The following USP20 variants were observed in gnomAD, a reference collection of about 807,000 sequenced individuals.
The protein encoded by USP20 is ubiquitin carboxyl-terminal hydrolase 20.
In USP20, 80 loss-of-function variants were observed where a neutral mutation model predicts 124.2. That is an observed-to-expected ratio of 0.64 (90% CI 0.54 to 0.78). USP20 has a LOEUF of 0.78. Among genes scored for constraint, USP20 ranks in the 30% least tolerant of loss-of-function variants. The pLI is 0.00. For synonymous variants in USP20, 481 were observed against 512.3 expected, an observed-to-expected ratio of 0.94 and a Z score of 0.83; for missense variants, 1,043 against 1,244.4, an observed-to-expected ratio of 0.84 and a Z score of 2.44.
In USP20 at chr9:129,874,027, C is replaced by T. The variant is rs148352699; in HGVS notation, c.1740+283C>T. Among the ~76,000 whole-genome samples the T allele has an allele frequency of 5.0e-3, 762 of 152,292 alleles. 3 individuals are homozygous for T. Among genetic ancestry groups the T allele is most frequent in the African/African-American group, 0.017 (723 of 41,548 alleles). ...GGTGTGTGGGACACTGGGTTACCAC[C>T]CCCAGTGAGACAGCTATGGCTCCTG... On this transcript the variant is annotated intron_variant, in intron 17 of 25. Coordinates refer to ENST00000372429, the MANE Select transcript of USP20 (RefSeq NM_001110303.4).
Position 129,839,551 on chromosome 9 carries a change from G to A in USP20, c.-129+4052G>A, listed in dbSNP as rs2032071857. Among the ~76,000 whole-genome samples the A allele has an allele frequency of 6.6e-6, 1 of 151,970 alleles. No individual in the cohort carries two copies. Among genetic ancestry groups the A allele is most frequent in the Admixed American group, 6.6e-5 (1 of 15,252 alleles). On this transcript the variant is annotated intron_variant, in intron 1 of 25. Coordinates refer to ENST00000372429, the MANE Select transcript of USP20 (RefSeq NM_001110303.4). This position sits in a 1 kb window ranked among gnomAD's most constrained non-coding sequence, Gnocchi z 4.5. Reference sequence around the variant, plus strand: ...TGCTGTTGTGTGGAGGTAGAGTAAAGACAGCAGGAGGGAGAGAAAGGGTGT... The same window carrying A: ...TGCTGTTGTGTGGAGGTAGAGTAAAAACAGCAGGAGGGAGAGAAAGGGTGT...
intron 19 of USP20, 80 bp downstream of exon 19, chr9:129,875,035 G>T: frequency 6.4e-7 from 1 of 1,552,092 alleles, no homozygotes. Context: ...GGTGTGTGTA[G>T]GGGACAGCGC....
chr9:129,847,252 C>G (rs886833693), intron 1 of USP20, among the ~76,000 whole-genome samples: 15 of 151,682 alleles, frequency 9.9e-5, no homozygotes, highest in African/African-American at 3.6e-4. Flanking sequence ...TTCCCACCAA[C>G]AGTGCACAGG....
At position 129,879,397 on chromosome 9, in the gene USP20, C is replaced by T. The variant is rs2034545291; in HGVS notation, c.2513-176C>T. 5 of 621,890 alleles carry T rather than the reference C, an allele frequency of 8.0e-6. No individual in the cohort carries two copies. Among genetic ancestry groups the T allele is most frequent in the Non-Finnish European group, 1.1e-5 (4 of 351,066 alleles). The allele number at this position is 621,890 out of a possible 1,614,324, so 38.5% of individuals were successfully genotyped here. The stretch of plus-strand genomic sequence containing the variant: ...CCATCTCGTGTGTCCTGGAAATTCC[C>T]TCTGCTGGGTCCTCAGACTGCCACA... On this transcript the variant is annotated intron_variant, in intron 23 of 25. Transcript: ENST00000372429. This position sits in a 1 kb window ranked among gnomAD's most constrained non-coding sequence, Gnocchi z 4.2.
intron 8 of USP20, among the ~76,000 whole-genome samples, chr9:129,862,899 C>G (rs1400051420): frequency 2.7e-5 from 3 of 109,120 alleles, no homozygotes; most frequent in African/African-American, 9.6e-5. Flanking sequence ...GAGGGAGACT[C>G]TGTTTCAAAA....
Position 129,880,297 on chromosome 9 carries a change from G to C in USP20, c.*16+8G>C. ...GATCTGCTGGGCTAGTCTGTAAGTC[G>C]CCCCGGCTGGTCCCTCCATGGCACT... On this transcript the variant is annotated splice_region_variant and intron_variant, in intron 25 of 25. Transcript: ENST00000372429. 6.4e-7 allele frequency: 1 copy of C among 1,557,960 alleles called. No individual in the cohort carries two copies. The highest frequency in any genetic ancestry group is 8.7e-7 in the Non-Finnish European group (1 of 1,155,300).
At position 129,879,991 on chromosome 9, in the gene USP20, T is replaced by C. The variant is rs529876796; in HGVS notation, c.2585-122T>C. 4.2e-4 allele frequency: 504 copies of C among 1,213,214 alleles called. 5 individuals are homozygous for C. The South Asian group carries it at 7.0e-3, about 17-fold the overall frequency. The allele number at this position is 1,213,214 out of a possible 1,614,324, so 75.2% of individuals were successfully genotyped here. ...CTGATTTCCATCTGACAGCTTTGCA[T>C]AGAAGCCCTGGTTGCCGTCTTCCCG... On this transcript the variant is annotated intron_variant, in intron 24 of 25. Coordinates refer to ENST00000372429, the MANE Select transcript of USP20 (RefSeq NM_001110303.4). This position sits in a 1 kb window ranked among gnomAD's most constrained non-coding sequence, Gnocchi z 4.2.
chr9:129,876,785 A>G (rs2034429581), intron 22 of USP20, among the ~76,000 whole-genome samples: 2 of 152,162 alleles, frequency 1.3e-5, no homozygotes, highest in Admixed American at 6.5e-5. Context: ...TTAAAGAACC[A>G]GTAGATGGAT....
intron 10 of USP20, among the ~76,000 whole-genome samples, chr9:129,867,774 T>C (rs979599178): frequency 6.6e-6 from 1 of 152,234 alleles, no homozygotes; most frequent in African/African-American, 2.4e-5. Flanking sequence ...TTTCTAGCTG[T>C]GTGTCCTGGT....
chr9:129,856,227 C>T (rs2033207526), intron 3 of USP20, 80 bp from the exon 4 acceptor site: 4 of 1,441,688 alleles, frequency 2.8e-6, no homozygotes, highest in Non-Finnish European at 2.9e-6. Context: ...TGGGGCCCTC[C>T]AGGCAGGAGC....
chr9:129,874,999 G>A (rs376902691), intron 19 of USP20, 44 bp downstream of exon 19: 239 of 1,602,806 alleles, frequency 1.5e-4, no homozygotes, highest in African/African-American at 5.7e-4. Flanking sequence ...CACCATCCCC[G>A]TCCCCTGGGA....
intron 21 of USP20, among the ~76,000 whole-genome samples, chr9:129,875,922 GCT>G (rs1196870934): frequency 6.6e-6 from 1 of 152,296 alleles, no homozygotes; most frequent in Non-Finnish European, 1.5e-5. Context: ...TTGGCCATCT[GCT>G]CTTCAGCCTT....
intron 1 of USP20, among the ~76,000 whole-genome samples, chr9:129,841,046 C>T (rs566898621): frequency 6.6e-6 from 1 of 152,330 alleles, no homozygotes; most frequent in East Asian, 1.9e-4. Flanking sequence ...GCTGGGATTA[C>T]AGGCGTGAGC....
In USP20 at chr9:129,868,416, T is replaced by A. The variant is rs1320070924; in HGVS notation, c.1102T>A (p.Ser368Thr). 2.5e-6 allele frequency: 4 copies of A among 1,611,764 alleles called. No homozygotes were observed. In the Admixed American group the frequency reaches 5.0e-5, roughly 20 times the overall value. ...CCAGCCCGCGGAGGCCCAGCCCCCG[T>A]CACCACGGTCCTCCAGCCCCTGCCG... ...DDQPAEAQPP[S>T]PRSSSPCRTP... Residue 368 changes from serine to threonine, a missense_variant, in exon 11 of 26, where the codon TCA becomes ACA. Ser to Thr is a moderately conservative substitution (Grantham distance 58). Transcript: ENST00000372429.
At chr9:129,869,058 C>A in intron 12 of USP20, 56 bp downstream of exon 12, 1 of 1,535,248 alleles carries the variant, frequency 6.5e-7, no homozygotes, top group East Asian at 2.3e-5. Flanking sequence ...AGATTACGCC[C>A]GTAGCTGCCT....
intron 10 of USP20, among the ~76,000 whole-genome samples, chr9:129,866,356 A>T (rs1218752424): frequency 6.6e-6 from 1 of 152,224 alleles, no homozygotes; most frequent in East Asian, 1.9e-4. Context: ...ACTAAAATTC[A>T]CTGAGCACCA....
At chr9:129,846,247 AT>A (rs35809246) in intron 1 of USP20, among the ~76,000 whole-genome samples, 702 of 32,440 alleles carry the variant, frequency 0.022, 11 homozygotes, top group African/African-American at 0.079. Context: ...ATATATATAT[AT>A]TTTTTTTTTT....
intron 1 of USP20, among the ~76,000 whole-genome samples, chr9:129,840,849 C>G (rs1229244750): frequency 6.7e-6 from 1 of 149,520 alleles, no homozygotes; most frequent in African/African-American, 2.5e-5. Context: ...CAGCTCACTG[C>G]AACCTCCGCC....
At chr9:129,844,158 G>A (rs779288556) in intron 1 of USP20, among the ~76,000 whole-genome samples, 15 of 151,908 alleles carry the variant, frequency 9.9e-5, no homozygotes, top group East Asian at 1.9e-4. Context: ...AAAATACCAC[G>A]TCCTATGATG....
Sources: allele counts gnomAD v4.1 joint callset (sites outside exome capture counted in the v4.1 genomes callset), GRCh38; gene constraint gnomAD v4.1.1; non-coding constraint Gnocchi (gnomAD v3.1); transcripts MANE v1.5; gene names NCBI Gene and HGNC (gene_info 2026-07-23, HGNC 2026-07-21).